DRAM1: variants seen among roughly 807,000 people sequenced by gnomAD.
The protein encoded by DRAM1 is DNA damage regulated autophagy modulator 1.
A neutral mutation model predicts 28.5 loss-of-function variants in DRAM1; 25 were observed. The observed-to-expected ratio is 0.88, with a 90% CI of 0.64 to 1.23. DRAM1 has a LOEUF of 1.23. DRAM1 is among the 50% of genes most tolerant of loss of function. The pLI, the probability that DRAM1 is intolerant of heterozygous loss-of-function variation, is 0.00. For missense variants in DRAM1, 249 were observed against 299.2 expected (o/e 0.83, Z 1.24); for synonymous variants, 113 against 114.2 (o/e 0.99, Z 0.07).
At chr12:101,901,071 G>A (rs897951712) in intron 2 of DRAM1, among the ~76,000 whole-genome samples, 3 of 139,340 alleles carry the variant, frequency 2.2e-5, no homozygotes, top group Admixed American at 1.5e-4. Context: ...AAGGACAACA[G>A]CCAAGGGGTG....
intron 1 of DRAM1, among the ~76,000 whole-genome samples, chr12:101,884,004 A>G (rs6539014): frequency 0.7 from 106,637 of 151,494 alleles, 39,291 homozygotes; most frequent in African/African-American, 0.93. Context: ...AACAAGTTAG[A>G]ATAGCATAAA....
rs1453809116 is a variant in DRAM1, at chr12:101,914,949, C to T, written c.579+717C>T. On this transcript the variant is annotated intron_variant, in intron 5 of 6. Transcript: ENST00000258534. ...CTGGGATTATAGGCGTGACCCACCG[C>T]ACCCGTCCCTCTAATTTCTTCCTTT... 3.3e-5 allele frequency among the ~76,000 whole-genome samples: 5 copies of T among 150,070 alleles called. 1 individual carries two copies. Among genetic ancestry groups the T allele is most frequent in the African/African-American group, 1.2e-4 (5 of 40,784 alleles).
chr12:101,907,506 C>T (rs144519507), intron 3 of DRAM1, among the ~76,000 whole-genome samples: 2,107 of 151,986 alleles, frequency 0.014, 35 homozygotes, highest in African/African-American at 0.048. Flanking sequence ...TTTGGGAGGC[C>T]GAGGTGGACG....
intron 2 of DRAM1, among the ~76,000 whole-genome samples, 193 bp from the exon 3 acceptor site, chr12:101,901,078 GGTGTGTGTGTGTGTGTGTGT>G (rs67125604): frequency 5.6e-5 from 8 of 142,930 alleles, no homozygotes; most frequent in South Asian, 2.3e-4. Context: ...ACAGCCAAGG[GGTGTGTGTGTGTGTGTGTGT>G]GTGTGTGTGT....
In DRAM1 at chr12:101,923,238, G is replaced by A. The variant is rs1874551814; in HGVS notation, c.*1978G>A. 6.6e-6 allele frequency: 1 copy of A among 152,250 alleles called. No homozygotes were observed. Among genetic ancestry groups the A allele is most frequent in the Non-Finnish European group, 1.5e-5 (1 of 68,048 alleles). 9.4% of individuals were successfully genotyped at this position (152,250 alleles called of 1,614,324 possible). On this transcript the variant is annotated 3_prime_UTR_variant, in exon 7 of 7. Transcript: ENST00000258534. ...TATGTCAAGCATTCATTATTCTGAAGAGGAGGAGAAATGCCACATACCTTT... is the reference window on the plus strand; with the variant it reads ...TATGTCAAGCATTCATTATTCTGAAAAGGAGGAGAAATGCCACATACCTTT...
chr12:101,883,461 G>A (rs1340834320), intron 1 of DRAM1, among the ~76,000 whole-genome samples: 1 of 151,292 alleles, frequency 6.6e-6, no homozygotes, highest in East Asian at 2.0e-4. Context: ...TTACAGGCAC[G>A]TGCCACCACA....
chr12:101,919,305 C>G (rs61936585), intron 5 of DRAM1, among the ~76,000 whole-genome samples: 1 of 151,022 alleles, frequency 6.6e-6, no homozygotes. Context: ...CACACACACA[C>G]GGTTTTGTTT....
At chr12:101,917,600 T>C (rs145777642) in intron 5 of DRAM1, among the ~76,000 whole-genome samples, 8,914 of 151,168 alleles carry the variant, frequency 0.059, 886 homozygotes, top group African/African-American at 0.21. Context: ...GCAGGAGAAT[T>C]GCTTGTACCC....
At chr12:101,887,206 A>G (rs927833999) in intron 1 of DRAM1, among the ~76,000 whole-genome samples, 5 of 151,880 alleles carry the variant, frequency 3.3e-5, no homozygotes, top group Admixed American at 3.3e-4. Flanking sequence ...AAATTGTCCG[A>G]AAAAAATTTG....
At chr12:101,906,869 A>AG (rs1382232452) in intron 3 of DRAM1, among the ~76,000 whole-genome samples, 79 of 147,990 alleles carry the variant, frequency 5.3e-4, no homozygotes, top group African/African-American at 1.8e-3. Flanking sequence ...AAAAAAAAAA[A>AG]AAAAGAAAAG....
At chr12:101,879,855 G>A (rs545835751) in intron 1 of DRAM1, among the ~76,000 whole-genome samples, 368 of 152,152 alleles carry the variant, frequency 2.4e-3, no homozygotes, top group African/African-American at 8.5e-3. Flanking sequence ...TTAGCTGGGC[G>A]TGGTGGTGCA....
chr12:101,887,899 T>A (rs1872947128), intron 1 of DRAM1, among the ~76,000 whole-genome samples: 1 of 152,080 alleles, frequency 6.6e-6, no homozygotes, highest in Non-Finnish European at 1.5e-5. Flanking sequence ...ACACAGAATT[T>A]CAGGCAGTGG....
chr12:101,920,292 A>ATTTTTTTTT, intron 6 of DRAM1, 91 bp downstream of exon 6: 1 of 327,288 alleles, frequency 3.1e-6, no homozygotes, highest in Non-Finnish European at 4.3e-6. Flanking sequence ...TAAAAAGAGC[A>ATTTTTTTTT]CTTTCTTTTT....
intron 4 of DRAM1, among the ~76,000 whole-genome samples, chr12:101,911,127 T>C (rs189748270): frequency 6.6e-6 from 1 of 152,116 alleles, no homozygotes; most frequent in Non-Finnish European, 1.5e-5. Flanking sequence ...TCCCAGCTAC[T>C]TGGGAGGCTG....
chr12:101,892,402 A>ATT (rs748326902), intron 1 of DRAM1, among the ~76,000 whole-genome samples: 66 of 82,698 alleles, frequency 8.0e-4, no homozygotes, highest in Admixed American at 1.3e-3. Flanking sequence ...TGCCAGGCTA[A>ATT]TTTTTTTTTT....
chr12:101,906,833 T>G lies in DRAM1; in HGVS notation c.343-1353T>G, dbSNP rs1410276137. On this transcript the variant is annotated intron_variant, in intron 3 of 6. Transcript: ENST00000258534. ...TCTCATCACTGCACTCCAGCCTGGGTGACAGAGCAAGACTCTGCCTCAAAA... is the reference window on the plus strand; with the variant it reads ...TCTCATCACTGCACTCCAGCCTGGGGGACAGAGCAAGACTCTGCCTCAAAA... Among the ~76,000 whole-genome samples the G allele has an allele frequency of 1.5e-4, 19 of 127,944 alleles. No homozygotes were observed. The Admixed American group carries it at 1.6e-3, about 11-fold the overall frequency. 83.9% of individuals were successfully genotyped at this position (127,944 alleles called of 152,430 possible). A position where few individuals can be genotyped will look rare whatever the true frequency, so the allele number is the denominator to read the frequency against.
intron 1 of DRAM1, among the ~76,000 whole-genome samples, chr12:101,880,880 T>C (rs1349976852): frequency 1.3e-5 from 2 of 152,056 alleles, no homozygotes; most frequent in Non-Finnish European, 2.9e-5. Flanking sequence ...AAAAGCAGAA[T>C]TACAGGAGAA....
rs142540189 is a variant in DRAM1 at position 101,912,588 on chromosome 12, T to C, written c.521-1586T>C. On this transcript the variant is annotated intron_variant, in intron 4 of 6. Coordinates refer to ENST00000258534, the MANE Select transcript of DRAM1 (RefSeq NM_018370.3). ...AAACAGATGTGAGGTGATGAAATGA[T>C]CAGAGAATCTTCTGTGCTCTCTACT... Among the ~76,000 whole-genome samples, 36 of 152,302 alleles carry C rather than the reference T, an allele frequency of 2.4e-4. No individual in the cohort carries two copies. The East Asian group carries it at 5.2e-3, about 22-fold the overall frequency.
At chr12:101,895,566 ATT>A (rs553634247) in intron 1 of DRAM1, among the ~76,000 whole-genome samples, 4 of 103,404 alleles carry the variant, frequency 3.9e-5, no homozygotes, top group Admixed American at 1.2e-4. Context: ...AAGGGAGGCT[ATT>A]TTTTTTTTTT....
Sources: allele counts gnomAD v4.1 joint callset (sites outside exome capture counted in the v4.1 genomes callset), GRCh38; gene constraint gnomAD v4.1.1; transcripts MANE v1.5; gene names NCBI Gene and HGNC (gene_info 2026-07-23, HGNC 2026-07-21).